The following CAMKMT variants were observed in gnomAD, a reference collection of about 807,000 sequenced individuals.
The protein encoded by CAMKMT is CaM KMT.
CAMKMT carries 53 observed loss-of-function variants against 48.0 expected under a neutral mutation model. The ratio of observed to expected loss-of-function variants is 1.10; its 90% CI spans 0.89 to 1.39. CAMKMT has a LOEUF of 1.39. Ranked by LOEUF, CAMKMT falls within the 40% of genes most tolerant of loss-of-function variation. CAMKMT has a pLI of 0.00. For synonymous variants in CAMKMT, 165 were observed against 152.3 expected, an observed-to-expected ratio of 1.08 and a Z score of -0.61; for missense variants, 428 against 402.7, an observed-to-expected ratio of 1.06 and a Z score of -0.54.
At chr2:44,692,083 C>T (rs1390466095) in intron 3 of CAMKMT, among the ~76,000 whole-genome samples, 1 of 152,066 alleles carries the variant, frequency 6.6e-6, no homozygotes, top group African/African-American at 2.4e-5. Context: ...TTCAAAGCTC[C>T]CGTAACAAGG....
chr2:44,674,574 C>T (rs781156836), intron 3 of CAMKMT, among the ~76,000 whole-genome samples: 2 of 152,200 alleles, frequency 1.3e-5, no homozygotes, highest in South Asian at 2.1e-4. Flanking sequence ...CAGACTGCTG[C>T]GAAGCCCCCA....
chr2:44,655,418 A>G (rs1044715036), intron 3 of CAMKMT, among the ~76,000 whole-genome samples: 3 of 152,148 alleles, frequency 2.0e-5, no homozygotes, highest in African/African-American at 7.2e-5. Flanking sequence ...GACATGAGGC[A>G]GTTTCTTGCT....
chr2:44,646,280 G>A (rs1027716270), intron 3 of CAMKMT, among the ~76,000 whole-genome samples: 13 of 151,614 alleles, frequency 8.6e-5, no homozygotes, highest in Non-Finnish European at 1.9e-4. Flanking sequence ...ACTCAGATTG[G>A]CTGTTAGGCA....
intron 3 of CAMKMT, among the ~76,000 whole-genome samples, chr2:44,539,392 A>G (rs927459694): frequency 6.6e-6 from 1 of 152,098 alleles, no homozygotes; most frequent in South Asian, 2.1e-4. Flanking sequence ...AGTAAGTTGC[A>G]GACATGATAT....
At chr2:44,705,963 T>C (rs1677532349) in intron 4 of CAMKMT, among the ~76,000 whole-genome samples, 1 of 152,184 alleles carries the variant, frequency 6.6e-6, no homozygotes, top group Non-Finnish European at 1.5e-5. Flanking sequence ...TCTCTTTCGC[T>C]ACTCTAGCTA....
intron 3 of CAMKMT, among the ~76,000 whole-genome samples, chr2:44,538,271 A>C (rs1245261113): frequency 6.6e-6 from 1 of 151,926 alleles, no homozygotes; most frequent in Non-Finnish European, 1.5e-5. Flanking sequence ...CGGGAAGCTG[A>C]GGCAGAGAAT....
intron 3 of CAMKMT, among the ~76,000 whole-genome samples, chr2:44,668,327 T>C (rs1439261536): frequency 6.6e-6 from 1 of 152,222 alleles, no homozygotes; most frequent in African/African-American, 2.4e-5. Context: ...TCACTAAGGC[T>C]AGGCATTCTT....
intron 3 of CAMKMT, among the ~76,000 whole-genome samples, chr2:44,564,901 T>G (rs1419111447): frequency 6.6e-6 from 1 of 152,198 alleles, no homozygotes; most frequent in Non-Finnish European, 1.5e-5. Context: ...TATGCAGGTA[T>G]CCACTCTTGT....
chr2:44,676,127 C>T (rs750216518), intron 3 of CAMKMT, among the ~76,000 whole-genome samples: 1 of 152,188 alleles, frequency 6.6e-6, no homozygotes, highest in African/African-American at 2.4e-5. Context: ...GTGCAGTAAA[C>T]TCATTGAGGT....
chr2:44,591,202 T>G (rs1670243221), intron 3 of CAMKMT, among the ~76,000 whole-genome samples: 4 of 150,082 alleles, frequency 2.7e-5, no homozygotes, highest in Admixed American at 6.6e-5. Context: ...CCTCCAGCTT[T>G]GTTCTTTTGG....
At chr2:44,445,435 C>A (rs75633351) in intron 3 of CAMKMT, among the ~76,000 whole-genome samples, 2 of 152,214 alleles carry the variant, frequency 1.3e-5, no homozygotes, top group East Asian at 3.9e-4. Flanking sequence ...TCAAATGCAT[C>A]CCGAACCCCT....
Position 44,705,940 on chromosome 2 carries a change from C to A in CAMKMT, c.438-347C>A, listed in dbSNP as rs114719722. On this transcript the variant is annotated intron_variant, in intron 4 of 10. Coordinates refer to ENST00000378494, the MANE Select transcript of CAMKMT (RefSeq NM_024766.5). ...ATGAATGTGGATTAACAGTGTTATC[C>A]TTTCCTAACACTTCTCTTTCGCTAC... Among the ~76,000 whole-genome samples the A allele has an allele frequency of 4.0e-3, 610 of 152,126 alleles. 3 individuals carry two copies. Among genetic ancestry groups the A allele is most frequent in the African/African-American group, 0.014 (580 of 41,504 alleles).
intron 3 of CAMKMT, among the ~76,000 whole-genome samples, chr2:44,624,967 C>T (rs1345388681): frequency 2.0e-5 from 3 of 152,080 alleles, no homozygotes; most frequent in Non-Finnish European, 4.4e-5. Flanking sequence ...TCCTATTTCT[C>T]CACATCCTCT....
At chr2:44,446,338 A>ATTATTTAT (rs552143802) in intron 3 of CAMKMT, among the ~76,000 whole-genome samples, 14 of 151,658 alleles carry the variant, frequency 9.2e-5, no homozygotes, top group South Asian at 6.3e-4. Context: ...TTTCCCTTAT[A>ATTATTTAT]TTATTTATTT....
intron 3 of CAMKMT, among the ~76,000 whole-genome samples, chr2:44,543,541 G>GATTA (rs1414283283): frequency 6.6e-6 from 1 of 152,222 alleles, no homozygotes; most frequent in East Asian, 1.9e-4. Context: ...CATCAGCTGA[G>GATTA]ATTAACTATG....
intron 1 of CAMKMT, among the ~76,000 whole-genome samples, chr2:44,371,892 G>A (rs78751511): frequency 0.053 from 8,080 of 152,106 alleles, 275 homozygotes; most frequent in South Asian, 0.12. Context: ...TATTTTGGAG[G>A]AGGATCCAAA....
chr2:44,684,496 A>C (rs1056825606), intron 3 of CAMKMT, among the ~76,000 whole-genome samples: 1 of 152,142 alleles, frequency 6.6e-6, no homozygotes, highest in Non-Finnish European at 1.5e-5. Context: ...GGGACAAAAA[A>C]AAAAACCTAG....
At chr2:44,442,035 T>C (rs968465572) in intron 3 of CAMKMT, among the ~76,000 whole-genome samples, 1 of 152,172 alleles carries the variant, frequency 6.6e-6, no homozygotes, top group African/African-American at 2.4e-5. Flanking sequence ...GGTCTTCAAA[T>C]TGGCCCTTGA....
At chr2:44,385,679 A>T in intron 2 of CAMKMT, among the ~76,000 whole-genome samples, 1 of 152,168 alleles carries the variant, frequency 6.6e-6, no homozygotes, top group Non-Finnish European at 1.5e-5. Flanking sequence ...AGTTTTAATC[A>T]TAAAGCAATG....
Sources: gnomAD v4.1 joint callset for allele counts (sites outside exome capture counted in the v4.1 genomes callset) on GRCh38, gnomAD v4.1.1 for gene constraint, MANE v1.5 for transcripts, NCBI Gene and HGNC (gene_info 2026-07-23, HGNC 2026-07-21) for gene names.